GRAMD2B: variants seen among roughly 807,000 people sequenced by gnomAD.
The protein encoded by GRAMD2B is GRAM domain containing 2B.
A neutral mutation model predicts 59.2 loss-of-function variants in GRAMD2B; 41 were observed. That is an observed-to-expected ratio of 0.69 (90% CI 0.54 to 0.90). GRAMD2B has a LOEUF of 0.90. GRAMD2B is among the 40% of genes least tolerant of loss of function. The probability of loss-of-function intolerance (pLI) is 0.00; values close to 1 mark genes in which losing one functional copy is unlikely to be tolerated. For missense variants in GRAMD2B, 424 were observed against 500.5 expected (o/e 0.85, Z 1.46); for synonymous variants, 161 against 182.7 (o/e 0.88, Z 0.96).
rs538559675 is a variant in GRAMD2B at position 126,451,498 on chromosome 5, G to T, written c.84-13928G>T. Among the ~76,000 whole-genome samples, 3 of 152,224 alleles carry T rather than the reference G, an allele frequency of 2.0e-5. No individual in the cohort carries two copies. The South Asian group carries it at 6.2e-4, about 32-fold the overall frequency. On this transcript the variant is annotated intron_variant, in intron 1 of 13. Coordinates refer to ENST00000285689, the MANE Select transcript of GRAMD2B (RefSeq NM_023927.4). ...GACTTCTCCTTTCTGGAATGGGAAT[G>T]TTTATCCAGTGCCTGTACCACCATT...
chr5:126,373,905 G>C (rs1170987189), intron 1 of GRAMD2B, among the ~76,000 whole-genome samples: 2 of 152,166 alleles, frequency 1.3e-5, no homozygotes. Context: ...CAGATGATAA[G>C]GGGGGTTAGA....
intron 1 of GRAMD2B, among the ~76,000 whole-genome samples, chr5:126,461,040 A>G: frequency 6.6e-6 from 1 of 152,206 alleles, no homozygotes; most frequent in Non-Finnish European, 1.5e-5. Context: ...ACATGTGGGT[A>G]GACTCAAACA....
At position 126,473,279 on chromosome 5, in the gene GRAMD2B, C is replaced by T. The variant is rs1243735395; in HGVS notation, c.397C>T (p.Leu133=). 2 of 1,429,016 alleles carry T rather than the reference C, an allele frequency of 1.4e-6. No individual in the cohort carries two copies. Among genetic ancestry groups the T allele is most frequent in the Admixed American group, 2.3e-5 (1 of 43,784 alleles). 88.5% of individuals were successfully genotyped at this position (1,429,016 alleles called of 1,614,324 possible). The stretch of plus-strand genomic sequence containing the variant: ...TATTTTCCCAGGCTTTACCTGTGCT[C>T]TACAGAAAGAAATACTATACCAAGG... ...EPLKQSFTCA[L]QKEILYQGKL... The change falls in exon 5 of 14, where the codon CTA becomes TTA. Residue 133 remains leucine (L), a synonymous_variant. Transcript: ENST00000285689.
In GRAMD2B at chr5:126,486,897, C is replaced by T. The variant is rs146010403; in HGVS notation, c.1083C>T (p.Thr361=). 6.2e-7 allele frequency: 1 copy of T among 1,611,800 alleles called. No individual in the cohort carries two copies. Among genetic ancestry groups the T allele is most frequent in the African/African-American group, 1.3e-5 (1 of 74,922 alleles). The stretch of plus-strand genomic sequence containing the variant: ...GTGTCTGTGCACTAATCATCTCGAC[C>T]TTCTACATGAGATACAGAATTAATA... ...AIVVCALIIS[T]FYMRYRINTL... Residue 361 remains threonine (T), a synonymous_variant, in exon 12 of 14, where the codon ACC becomes ACT. Transcript: ENST00000285689.
chr5:126,488,744 C>G, intron 12 of GRAMD2B, 55 bp from the exon 13 acceptor site: 1 of 1,218,716 alleles, frequency 8.2e-7, no homozygotes, highest in African/African-American at 1.5e-5. Context: ...TGTGTTCATT[C>G]CACTTCTTTC....
intron 4 of GRAMD2B, 85 bp from the exon 5 acceptor site, chr5:126,473,180 C>T: frequency 2.2e-6 from 1 of 462,926 alleles, no homozygotes; most frequent in Non-Finnish European, 3.9e-6. Flanking sequence ...TATCTCTGCC[C>T]ATCCTTGAGT....
chr5:126,408,060 G>A (rs1434083192), intron 1 of GRAMD2B, among the ~76,000 whole-genome samples: 2 of 151,894 alleles, frequency 1.3e-5, no homozygotes, highest in Admixed American at 1.3e-4. Context: ...CCCAGGTCCT[G>A]AGCATAGTCC....
At chr5:126,478,149 AAAAAAAAAAAGG>A (rs904252785) in intron 6 of GRAMD2B, among the ~76,000 whole-genome samples, 6 of 149,950 alleles carry the variant, frequency 4.0e-5, no homozygotes, top group African/African-American at 1.5e-4. Context: ...GGAAAAAAAA[AAAAAAAAAAAGG>A]AGGTCAGGCC....
At chr5:126,487,022 A>G in intron 12 of GRAMD2B, 45 bp downstream of exon 12, 1 of 1,001,958 alleles carries the variant, frequency 1.0e-6, no homozygotes, top group East Asian at 2.4e-5. Context: ...CATTCTGCTT[A>G]ATATAATAAT....
intron 1 of GRAMD2B, among the ~76,000 whole-genome samples, chr5:126,382,757 T>TA (rs982944706): frequency 6.6e-6 from 1 of 152,174 alleles, no homozygotes; most frequent in Non-Finnish European, 1.5e-5. Context: ...TTGGGGGTGT[T>TA]AAAAAATCTT....
chr5:126,394,679 A>G (rs1443881755), intron 1 of GRAMD2B, among the ~76,000 whole-genome samples: 1 of 152,224 alleles, frequency 6.6e-6, no homozygotes, highest in Non-Finnish European at 1.5e-5. Flanking sequence ...ACGTGAGTGA[A>G]ATAGTCAGGG....
chr5:126,462,958 G>A (rs544751677), intron 1 of GRAMD2B, among the ~76,000 whole-genome samples: 1 of 152,292 alleles, frequency 6.6e-6, no homozygotes, highest in African/African-American at 2.4e-5. Context: ...ACAATATAGA[G>A]GCATGCACTG....
chr5:126,409,935 T>TTAAATAGGGAATCCTTTCCGC, intron 1 of GRAMD2B, among the ~76,000 whole-genome samples: 1 of 141,544 alleles, frequency 7.1e-6, no homozygotes, highest in Admixed American at 7.1e-5. Context: ...GCACCATTTA[T>TTAAATAGGGAATCCTTTCCGC]TAAATAGGGA....
intron 1 of GRAMD2B, among the ~76,000 whole-genome samples, chr5:126,364,139 T>A (rs527547637): frequency 6.6e-6 from 1 of 152,232 alleles, no homozygotes. Flanking sequence ...ATACTAGCTA[T>A]TGTACTTTCT....
chr5:126,360,411 G>A (rs558227288), exon 1 of GRAMD2B: 1 of 1,551,290 alleles, frequency 6.4e-7, no homozygotes, highest in African/African-American at 1.4e-5. Flanking sequence ...CCCTGGAAGA[G>A]TATGTTCCAC....
Position 126,478,140 on chromosome 5 carries a change from GAAAAAAAAA to G in GRAMD2B, c.582+364_582+372del, listed in dbSNP as rs11376080. ...GTTCCTTTAATAATAGTCTTAAAGG[GAAAAAAAAA>G]AAAAAAAAAAGGAGGTCAGGCCTTT... On this transcript the variant is annotated intron_variant, in intron 6 of 13. Transcript: ENST00000285689. Among the ~76,000 whole-genome samples the G allele has an allele frequency of 5.8e-3, 737 of 126,850 alleles. 11 individuals are homozygous for G. Among genetic ancestry groups the G allele is most frequent in the African/African-American group, 0.02 (691 of 33,894 alleles). 83.2% of individuals were successfully genotyped at this position (126,850 alleles called of 152,430 possible). A position where few individuals can be genotyped will look rare whatever the true frequency, so the allele number is the denominator to read the frequency against.
rs567651084 is a variant in GRAMD2B, at chr5:126,457,300, C to G, written c.84-8126C>G. On this transcript the variant is annotated intron_variant, in intron 1 of 13. Transcript: ENST00000285689. ...TTGAATTTTGGTATCTTGATGCTAT[C>G]TTACTTTGGTCCCTTAATGCTTTAT... is the stretch of plus-strand genomic sequence containing the variant. Among the ~76,000 whole-genome samples, 3 of 149,012 alleles carry G rather than the reference C, an allele frequency of 2.0e-5. No homozygotes were observed. In the South Asian group the frequency reaches 6.5e-4, roughly 32 times the overall value.
chr5:126,360,527 G>A (rs867291055), intron 1 of GRAMD2B: 2 of 1,472,850 alleles, frequency 1.4e-6, no homozygotes, highest in East Asian at 5.0e-5. Context: ...GGTTTAAAAG[G>A]CCTTTTTGGT....
intron 3 of GRAMD2B, among the ~76,000 whole-genome samples, 199 bp downstream of exon 3, chr5:126,469,987 C>T (rs975754545): frequency 6.6e-6 from 1 of 152,172 alleles, no homozygotes; most frequent in African/African-American, 2.4e-5. Flanking sequence ...ACTCATTTTT[C>T]AGCACATTGC....
Sources: allele counts gnomAD v4.1 joint callset (sites outside exome capture counted in the v4.1 genomes callset), GRCh38; gene constraint gnomAD v4.1.1; transcripts MANE v1.5; gene names NCBI Gene and HGNC (gene_info 2026-07-23, HGNC 2026-07-21).